Variants in ATP8B1 observed in about 807,000 individuals in gnomAD.
ATP8B1 encodes phospholipid-transporting ATPase IC.
ATP8B1 carries 80 observed loss-of-function variants against 149.9 expected under a neutral mutation model. The observed-to-expected ratio is 0.53, with a 90% CI of 0.45 to 0.64. The LOEUF (loss-of-function observed/expected upper bound fraction) is 0.64. ATP8B1 is among the 30% of genes least tolerant of loss of function. ATP8B1 has a pLI of 0.00. For synonymous variants in ATP8B1, 536 were observed against 562.8 expected, an observed-to-expected ratio of 0.95 and a Z score of 0.67; for missense variants, 1,247 against 1,552.6, an observed-to-expected ratio of 0.80 and a Z score of 3.31.
At chr18:57,714,159 G>A (rs1913884314) in intron 2 of ATP8B1, among the ~76,000 whole-genome samples, 1 of 152,222 alleles carries the variant, frequency 6.6e-6, no homozygotes, top group Non-Finnish European at 1.5e-5. Context: ...ACTCCTCATA[G>A]GCCTGTGGTG....
At chr18:57,717,884 T>G (rs985528144) in intron 2 of ATP8B1, among the ~76,000 whole-genome samples, 3 of 151,280 alleles carry the variant, frequency 2.0e-5, no homozygotes, top group Non-Finnish European at 4.4e-5. Context: ...TAGCCAGGAC[T>G]ATAGGCATGT....
At chr18:57,708,910 G>A (rs1475621509) in intron 2 of ATP8B1, among the ~76,000 whole-genome samples, 1 of 152,186 alleles carries the variant, frequency 6.6e-6, no homozygotes, top group East Asian at 1.9e-4. Context: ...GATTCAGACA[G>A]AGAGGGTGGC....
intron 3 of ATP8B1, among the ~76,000 whole-genome samples, chr18:57,705,849 C>T (rs547123871): frequency 2.0e-5 from 3 of 152,134 alleles, no homozygotes; most frequent in Non-Finnish European, 4.4e-5. Context: ...TTTAAGCCCA[C>T]ACTTAATATT....
intron 2 of ATP8B1, among the ~76,000 whole-genome samples, chr18:57,729,846 C>T (rs976632587): frequency 0.29 from 31 of 108 alleles, no homozygotes; most frequent in Non-Finnish European, 0.32. Context: ...CCACTGTGCC[C>T]GGCAGGGAAT....
intron 1 of ATP8B1, among the ~76,000 whole-genome samples, chr18:57,741,868 A>G (rs1482485038): frequency 1.3e-5 from 2 of 152,010 alleles, no homozygotes; most frequent in African/African-American, 4.8e-5. Context: ...TCTGCCCAGT[A>G]TTCTTTTATT....
chr18:57,717,056 T>C (rs185983691), intron 2 of ATP8B1, among the ~76,000 whole-genome samples: 42 of 152,248 alleles, frequency 2.8e-4, no homozygotes, highest in African/African-American at 1.0e-3. Flanking sequence ...AATTAAACAA[T>C]ATGTTCCTAA....
chr18:57,652,748 T>G lies in ATP8B1; in HGVS notation c.3016-19A>C. ...TCACATCCTTAAGGAGAAAACAAAA[T>G]GATGGTATTTTATTCATCAGGTCAA... On this transcript the variant is annotated intron_variant, in intron 24 of 27. Transcript: ENST00000648908. The G allele has an allele frequency of 6.2e-7, 1 of 1,614,076 alleles. No individual in the cohort carries two copies. The highest frequency in any genetic ancestry group is 1.1e-5 in the South Asian group (1 of 91,088).
At chr18:57,783,417 T>C (rs1212738526) in intron 1 of ATP8B1, among the ~76,000 whole-genome samples, 1 of 152,242 alleles carries the variant, frequency 6.6e-6, no homozygotes, top group Non-Finnish European at 1.5e-5. Flanking sequence ...TTTTTATGTA[T>C]TTATTTCCTT....
chr18:57,787,433 G>A (rs112958095), intron 1 of ATP8B1, among the ~76,000 whole-genome samples: 5 of 135,354 alleles, frequency 3.7e-5, no homozygotes, highest in African/African-American at 9.9e-5. Context: ...AGAACACTGC[G>A]GGAGGAGCTC....
chr18:57,707,038 G>A (rs559528899), intron 2 of ATP8B1, among the ~76,000 whole-genome samples: 3 of 152,204 alleles, frequency 2.0e-5, no homozygotes, highest in Non-Finnish European at 4.4e-5. Context: ...CGGGCGCGGT[G>A]GCTCACGCCT....
At chr18:57,689,534 C>T (rs1342368703) in intron 12 of ATP8B1, among the ~76,000 whole-genome samples, 1 of 152,202 alleles carries the variant, frequency 6.6e-6, no homozygotes, top group African/African-American at 2.4e-5. Flanking sequence ...AAATGATGCT[C>T]TCCCCACTTC....
At chr18:57,659,224 C>T (rs552793402) in intron 22 of ATP8B1, among the ~76,000 whole-genome samples, 81 of 151,978 alleles carry the variant, frequency 5.3e-4, no homozygotes, top group Middle Eastern at 6.9e-3. Flanking sequence ...TGCAGTAAGC[C>T]AAGGTCATGC....
chr18:57,744,745 A>T (rs569698338), intron 1 of ATP8B1, among the ~76,000 whole-genome samples: 29 of 152,360 alleles, frequency 1.9e-4, no homozygotes, highest in African/African-American at 6.5e-4. Context: ...AGGGTAAAAT[A>T]AGTCTGTCAA....
rs752045131 is a variant in ATP8B1 at position 57,671,518 on chromosome 18, G to C, written c.1882C>G (p.Arg628Gly). Residue 628 changes from arginine (R) to glycine (G), a missense_variant, in exon 17 of 28, where the codon CGG becomes GGG. Around this residue, in one of 3 missense-constraint regions of ATP8B1, gnomAD observed 853 missense variants for 1,035.7 expected, o/e 0.82. Transcript: ENST00000648908. ...CKGADTVIYE[R>G]LHRMNPTKQE... ...TTAGTAGGATTCATTCGATGTAACC[G>C]TTCATAAATAACAGTGTCAGCACCT... 1.9e-6 allele frequency: 3 copies of C among 1,614,060 alleles called. No homozygotes were observed. The South Asian group carries it at 3.3e-5, about 18-fold the overall frequency.
In ATP8B1 at chr18:57,648,675, T is replaced by TTGAA. The variant is rs1909361038; in HGVS notation, c.3568_3569insTTCA (p.Gln1190LeufsTer47). ...GAACACCTGCTGCCGTCGCTGCCAC[T>TTGAA]GCTCCTCCGCCTTCAACCGCTTGCG... On this transcript the variant is annotated frameshift_variant, in exon 28 of 28. Coordinates refer to ENST00000648908, the MANE Select transcript of ATP8B1 (RefSeq NM_001374385.1). LOFTEE classifies it high-confidence loss of function. 1 of 1,568,200 alleles carries TTGAA rather than the reference T, an allele frequency of 6.4e-7. No individual in the cohort carries two copies. Among genetic ancestry groups the TTGAA allele is most frequent in the African/African-American group, 1.4e-5 (1 of 73,694 alleles).
chr18:57,697,391 A>G (rs947064349), intron 8 of ATP8B1, among the ~76,000 whole-genome samples: 9 of 152,158 alleles, frequency 5.9e-5, no homozygotes, highest in African/African-American at 2.2e-4. Context: ...AAGGGCTCAG[A>G]CACATATGCT....
rs1249723137 is a variant in ATP8B1 at position 57,701,098 on chromosome 18, A to G, written c.495T>C (p.Ala165=). 1.9e-6 allele frequency: 3 copies of G among 1,614,038 alleles called. No individual in the cohort carries two copies. Among genetic ancestry groups the G allele is most frequent in the African/African-American group, 1.3e-5 (1 of 74,924 alleles). Residue 165 remains alanine, a splice_region_variant and synonymous_variant, in exon 6 of 28, where the codon GCT becomes GCC. Transcript: ENST00000648908. ...TGATTTCCTTATCCATTTTATGGCG[A>G]GCCTTGAGAAGGAAGATGGGGAAAT... ...TAIKDLVDDV[A]RHKMDKEINN...
At chr18:57,781,692 T>C (rs1171804022) in intron 1 of ATP8B1, among the ~76,000 whole-genome samples, 1 of 152,228 alleles carries the variant, frequency 6.6e-6, no homozygotes, top group South Asian at 2.1e-4. Flanking sequence ...ATGGGAAACA[T>C]AGGTGGGTGC....
intron 1 of ATP8B1, among the ~76,000 whole-genome samples, chr18:57,801,038 A>G (rs550557141): frequency 9.2e-5 from 14 of 152,264 alleles, no homozygotes; most frequent in African/African-American, 3.1e-4. Flanking sequence ...ATTATTTTTA[A>G]ACTTCTATTG....
Sources: allele counts gnomAD v4.1 joint callset (sites outside exome capture counted in the v4.1 genomes callset), GRCh38; gene constraint gnomAD v4.1.1; regional missense constraint gnomAD v4.1.1; transcripts MANE v1.5; gene names NCBI Gene and HGNC (gene_info 2026-07-23, HGNC 2026-07-21).